The following EYS variants were observed in gnomAD, a reference collection of about 807,000 sequenced individuals.
EYS encodes EGF-like photoreceptor maintenance factor, also known as protein eyes shut homolog.
A neutral mutation model predicts 282.1 loss-of-function variants in EYS; 250 were observed. The observed-to-expected ratio is 0.89, with a 90% CI of 0.80 to 0.98. The LOEUF is 0.98. EYS is among the 50% of genes least tolerant of loss of function. The probability of loss-of-function intolerance (pLI) is 0.00; values close to 1 mark genes in which losing one functional copy is unlikely to be tolerated. For missense variants in EYS, 4,016 were observed against 3,709.0 expected (o/e 1.08, Z -2.15); for synonymous variants, 1,355 against 1,282.9 (o/e 1.06, Z -1.20).
At chr6:64,759,194 C>T (rs937648931) in intron 22 of EYS, among the ~76,000 whole-genome samples, 1 of 152,060 alleles carries the variant, frequency 6.6e-6, no homozygotes, top group African/African-American at 2.4e-5. Flanking sequence ...AATGAGACAA[C>T]GGGTAGCTAT....
At position 65,244,544 on chromosome 6, in the gene EYS, G is replaced by A. The variant is rs1409426687; in HGVS notation, c.2023+51319C>T. 3.3e-5 allele frequency among the ~76,000 whole-genome samples: 5 copies of A among 151,682 alleles called. No homozygotes were observed. In the East Asian group the frequency reaches 7.8e-4, roughly 24 times the overall value. On this transcript the variant is annotated intron_variant, in intron 12 of 42. Coordinates refer to ENST00000503581, the MANE Select transcript of EYS (RefSeq NM_001142800.2). ...TATTTATTATTTGAGACCAAGTCTCGCTCTGTCGCCCAGACTGGAGTGCAG... is the reference window on the plus strand; with the variant it reads ...TATTTATTATTTGAGACCAAGTCTCACTCTGTCGCCCAGACTGGAGTGCAG...
intron 35 of EYS, among the ~76,000 whole-genome samples, chr6:63,975,419 A>G (rs901531032): frequency 6.6e-5 from 10 of 152,058 alleles, no homozygotes; most frequent in African/African-American, 2.2e-4. Flanking sequence ...AGATCAAAAT[A>G]ATTTCTAAAC....
intron 2 of EYS, among the ~76,000 whole-genome samples, chr6:65,533,968 C>T (rs1200721492): frequency 1.3e-5 from 2 of 152,060 alleles, no homozygotes; most frequent in South Asian, 2.1e-4. Context: ...AATAACATTA[C>T]CCTAATTTTT....
chr6:65,097,114 A>G (rs1277304917), intron 12 of EYS, among the ~76,000 whole-genome samples: 1 of 151,086 alleles, frequency 6.6e-6, no homozygotes, highest in African/African-American at 2.4e-5. Context: ...GGGTTAATAT[A>G]CAAAATATAT....
chr6:64,911,362 T>TA (rs1395024411), intron 16 of EYS, among the ~76,000 whole-genome samples: 1 of 152,142 alleles, frequency 6.6e-6, no homozygotes, highest in African/African-American at 2.4e-5. Flanking sequence ...GATGGCTTTC[T>TA]AGCTTTTAGT....
intron 39 of EYS, among the ~76,000 whole-genome samples, chr6:63,783,655 T>C (rs1033653516): frequency 1.3e-5 from 2 of 152,214 alleles, no homozygotes; most frequent in Admixed American, 1.3e-4. Context: ...GAGCTCACTC[T>C]CAATGAGTGA....
In EYS at chr6:64,547,890, G is replaced by A. The variant is rs539058344; in HGVS notation, c.5644+42333C>T. ...CCTGCAAGGAGGCAGCTAAGGCCCG[G>A]CAAGAAGTCCAGCACAGCAGCTGCT... On this transcript the variant is annotated intron_variant, in intron 26 of 42. Coordinates refer to ENST00000503581, the MANE Select transcript of EYS (RefSeq NM_001142800.2). Among the ~76,000 whole-genome samples, 5 of 152,360 alleles carry A rather than the reference G, an allele frequency of 3.3e-5. No individual in the cohort carries two copies. In the East Asian group the frequency reaches 7.7e-4, roughly 24 times the overall value.
intron 33 of EYS, among the ~76,000 whole-genome samples, chr6:64,027,212 G>A (rs1769563663): frequency 6.6e-6 from 1 of 152,174 alleles, no homozygotes; most frequent in Non-Finnish European, 1.5e-5. Context: ...CTGTTGACCT[G>A]TGTTCTAGAA....
chr6:65,015,667 T>C (rs971619772), intron 13 of EYS, among the ~76,000 whole-genome samples: 21 of 151,892 alleles, frequency 1.4e-4, no homozygotes, highest in Non-Finnish European at 1.5e-5. Context: ...GTAGGAAAAA[T>C]TAAAAACCTG....
chr6:65,542,504 T>C lies in EYS; in HGVS notation c.-332-46511A>G, dbSNP rs964777055. Among the ~76,000 whole-genome samples, 3 of 151,648 alleles carry C rather than the reference T, an allele frequency of 2.0e-5. No homozygotes were observed. In the South Asian group the frequency reaches 6.2e-4, roughly 32 times the overall value. On this transcript the variant is annotated intron_variant, in intron 2 of 42. Transcript: ENST00000503581. The stretch of plus-strand genomic sequence containing the variant: ...GTGTGTGTGTGTGTGTGTGTGTGTG[T>C]GTGTGTTATGTTTGGAAACACTAAG...
chr6:65,364,297 A>T (rs1305989978), intron 8 of EYS, among the ~76,000 whole-genome samples: 1 of 150,706 alleles, frequency 6.6e-6, no homozygotes, highest in African/African-American at 2.4e-5. Context: ...TGATTAGAAC[A>T]TTTCCTTCCA....
At chr6:63,961,583 T>TTTA (rs1766064493) in intron 35 of EYS, among the ~76,000 whole-genome samples, 1 of 152,196 alleles carries the variant, frequency 6.6e-6, no homozygotes, top group Non-Finnish European at 1.5e-5. Context: ...TTTATTGCTC[T>TTTA]TTATTTATAT....
intron 42 of EYS, 52 bp downstream of exon 42, chr6:63,726,467 T>A: frequency 1.8e-5 from 26 of 1,456,606 alleles, no homozygotes; most frequent in Non-Finnish European, 2.4e-5. Context: ...CATACATTAC[T>A]TAATAGACTA....
Position 64,081,854 on chromosome 6 carries a change from A to C in EYS, c.6571+2T>G. ...ACAAGAAGTCAAACATTTAATACTC[A>C]CTGTAAAGAATAGTTCCATTTAAAC... On this transcript the variant is annotated splice_donor_variant, in intron 32 of 42. Coordinates refer to ENST00000503581, the MANE Select transcript of EYS (RefSeq NM_001142800.2). LOFTEE classifies it high-confidence loss of function. The C allele has an allele frequency of 6.6e-7, 1 of 1,508,506 alleles. No homozygotes were observed. Among genetic ancestry groups the C allele is most frequent in the Non-Finnish European group, 8.9e-7 (1 of 1,117,706 alleles). 93.4% of individuals were successfully genotyped at this position (1,508,506 alleles called of 1,614,324 possible).
At chr6:63,786,802 G>A (rs1316054981) in intron 39 of EYS, among the ~76,000 whole-genome samples, 1 of 152,054 alleles carries the variant, frequency 6.6e-6, no homozygotes, top group Non-Finnish European at 1.5e-5. Context: ...CAATTCAATA[G>A]TTCTTGGGTA....
intron 22 of EYS, among the ~76,000 whole-genome samples, chr6:64,812,750 T>C (rs1467487255): frequency 2.0e-5 from 3 of 148,412 alleles, no homozygotes; most frequent in East Asian, 2.0e-4. Flanking sequence ...AGTATGTGTG[T>C]ATATTTTTTA....
At chr6:65,357,241 T>C (rs1238369199) in intron 8 of EYS, among the ~76,000 whole-genome samples, 4 of 152,030 alleles carry the variant, frequency 2.6e-5, no homozygotes, top group Admixed American at 2.6e-4. Flanking sequence ...GTTAACTTCT[T>C]AATCATTCAT....
intron 22 of EYS, among the ~76,000 whole-genome samples, chr6:64,766,904 A>G (rs2149982914): frequency 6.6e-6 from 1 of 151,606 alleles, no homozygotes; most frequent in African/African-American, 2.4e-5. Context: ...GTTTATAGTG[A>G]AAAAGCATAG....
chr6:65,471,051 C>A (rs929774660), intron 5 of EYS, among the ~76,000 whole-genome samples: 5 of 151,728 alleles, frequency 3.3e-5, no homozygotes. Flanking sequence ...GCAGGAGAAT[C>A]GCTTGAACCC....
Sources: gnomAD v4.1 joint callset for allele counts (sites outside exome capture counted in the v4.1 genomes callset) on GRCh38, gnomAD v4.1.1 for gene constraint, MANE v1.5 for transcripts, NCBI Gene and HGNC (gene_info 2026-07-23, HGNC 2026-07-21) for gene names.